Variants in CSNK1G3 observed in about 807,000 individuals in gnomAD.
CSNK1G3 encodes the protein casein kinase 1 gamma 3, also known as casein kinase I isoform gamma-3.
A neutral mutation model predicts 64.3 loss-of-function variants in CSNK1G3; 23 were observed. That is an observed-to-expected ratio of 0.36 (90% CI 0.26 to 0.51). CSNK1G3 has a LOEUF of 0.51. CSNK1G3 is among the 20% of genes least tolerant of loss of function. CSNK1G3 has a pLI of 0.96. For synonymous variants in CSNK1G3, 158 were observed against 162.2 expected (o/e 0.97, Z 0.20); for missense variants, 357 against 510.5 (o/e 0.70, Z 2.90).
At chr5:123,552,591 A>C (rs1783903533) in intron 2 of CSNK1G3, among the ~76,000 whole-genome samples, 1 of 152,210 alleles carries the variant, frequency 6.6e-6, no homozygotes, top group Non-Finnish European at 1.5e-5. Context: ...CAAAGTGGTT[A>C]GTTTATCACA....
intron 6 of CSNK1G3, among the ~76,000 whole-genome samples, chr5:123,585,212 A>G (rs571163232): frequency 1.6e-4 from 24 of 152,284 alleles, no homozygotes; most frequent in Admixed American, 1.0e-3. Context: ...ACTCGAGGGG[A>G]AAGGATAGTT....
At chr5:123,573,662 G>A in intron 5 of CSNK1G3, 121 bp downstream of exon 5, 1 of 736,356 alleles carries the variant, frequency 1.4e-6, no homozygotes, top group Non-Finnish European at 2.1e-6. Flanking sequence ...TAATACAAAT[G>A]TTTCTACTTT....
intron 10 of CSNK1G3, among the ~76,000 whole-genome samples, chr5:123,597,267 C>T (rs943069284): frequency 3.3e-5 from 5 of 152,082 alleles, no homozygotes; most frequent in Non-Finnish European, 7.4e-5. Flanking sequence ...ATTGGCTTTA[C>T]AGGAGATGCA....
chr5:123,594,461 T>C (rs1793032075), intron 10 of CSNK1G3, among the ~76,000 whole-genome samples: 1 of 152,230 alleles, frequency 6.6e-6, no homozygotes, highest in South Asian at 2.1e-4. Flanking sequence ...TTTTGTCATA[T>C]TCTCATAGTA....
At chr5:123,608,130 G>C (rs1454390576) in intron 12 of CSNK1G3, among the ~76,000 whole-genome samples, 3 of 151,946 alleles carry the variant, frequency 2.0e-5, no homozygotes, top group Non-Finnish European at 4.4e-5. Context: ...TCTCTTCTCT[G>C]TGCCACCATT....
At chr5:123,574,680 A>G (rs928878560) in intron 5 of CSNK1G3, among the ~76,000 whole-genome samples, 2 of 151,962 alleles carry the variant, frequency 1.3e-5, no homozygotes, top group African/African-American at 2.4e-5. Flanking sequence ...AAAAAAAAAA[A>G]TAAGCCAGGT....
chr5:123,589,682 T>C (rs1791979617), intron 8 of CSNK1G3, among the ~76,000 whole-genome samples: 1 of 152,152 alleles, frequency 6.6e-6, no homozygotes, highest in Non-Finnish European at 1.5e-5. Flanking sequence ...ATTTTGCCCA[T>C]TGTTTTATAT....
At chr5:123,516,874 T>A (rs1379592422) in intron 1 of CSNK1G3, among the ~76,000 whole-genome samples, 1 of 152,234 alleles carries the variant, frequency 6.6e-6, no homozygotes, top group African/African-American at 2.4e-5. Context: ...TCAAATTTAT[T>A]ACATTTATTT....
exon 8 of CSNK1G3, chr5:123,588,431 A>G: frequency 6.2e-7 from 1 of 1,609,512 alleles, no homozygotes; most frequent in Non-Finnish European, 8.5e-7. Flanking sequence ...TTTTAGGCTG[A>G]CACATTAAAG....
intron 1 of CSNK1G3, among the ~76,000 whole-genome samples, chr5:123,513,906 A>G (rs1776681087): frequency 6.6e-6 from 1 of 152,110 alleles, no homozygotes; most frequent in African/African-American, 2.4e-5. Context: ...TTTGAGCTGT[A>G]CTTAGTGTAT....
chr5:123,575,651 C>A, intron 5 of CSNK1G3, 78 bp from the exon 6 acceptor site: 1 of 777,976 alleles, frequency 1.3e-6, no homozygotes, highest in Non-Finnish European at 2.1e-6. Context: ...TGTTTTCATT[C>A]TGTCTTGCCT....
At chr5:123,512,702 C>T (rs1452366837) in intron 1 of CSNK1G3, 132 bp downstream of exon 1, 2 of 148,134 alleles carry the variant, frequency 1.4e-5, no homozygotes, top group Non-Finnish European at 3.0e-5. Context: ...GCGGGGGCGG[C>T]GCCGCAGGCG....
chr5:123,554,198 G>C (rs2150372909), intron 3 of CSNK1G3, among the ~76,000 whole-genome samples: 1 of 152,280 alleles, frequency 6.6e-6, no homozygotes, highest in South Asian at 2.1e-4. Flanking sequence ...TAGGGTTGCA[G>C]TGCCATGAAG....
At chr5:123,520,812 T>G (rs1289207751) in intron 1 of CSNK1G3, among the ~76,000 whole-genome samples, 1 of 152,118 alleles carries the variant, frequency 6.6e-6, no homozygotes, top group African/African-American at 2.4e-5. Context: ...TGTATTAGAC[T>G]GTGATTTATT....
At chr5:123,598,485 A>T (rs1225165379) in intron 10 of CSNK1G3, among the ~76,000 whole-genome samples, 1 of 152,190 alleles carries the variant, frequency 6.6e-6, no homozygotes, top group Non-Finnish European at 1.5e-5. Flanking sequence ...GGATGAGTCA[A>T]GACTTTCTGG....
At chr5:123,582,302 TG>T (rs1468572192) in intron 6 of CSNK1G3, among the ~76,000 whole-genome samples, 3 of 152,086 alleles carry the variant, frequency 2.0e-5, no homozygotes, top group Non-Finnish European at 4.4e-5. Flanking sequence ...CTTTCCAAAA[TG>T]AAAAAAATGC....
intron 10 of CSNK1G3, among the ~76,000 whole-genome samples, chr5:123,591,867 A>G (rs1010133717): frequency 9.2e-5 from 14 of 152,122 alleles, no homozygotes; most frequent in African/African-American, 3.1e-4. Context: ...AGTTCACTCA[A>G]TTCTTTAGAA....
At chr5:123,553,038 G>A in intron 2 of CSNK1G3, 69 bp from the exon 3 acceptor site, 1 of 845,312 alleles carries the variant, frequency 1.2e-6, no homozygotes, top group South Asian at 2.1e-5. Context: ...TTTTTTCAGA[G>A]TACAGTTTTA....
rs536280893 is a variant in CSNK1G3, at chr5:123,530,529, A to G, written c.-247-14888A>G. Among the ~76,000 whole-genome samples, 4 of 152,274 alleles carry G rather than the reference A, an allele frequency of 2.6e-5. No homozygotes were observed. The South Asian group carries it at 6.2e-4, about 24-fold the overall frequency. ...GTTAAACATGATTTATCCTTATTACATATGTACTTTCCATTTTCTTTCCTG... is the reference window on the plus strand; with the variant it reads ...GTTAAACATGATTTATCCTTATTACGTATGTACTTTCCATTTTCTTTCCTG... On this transcript the variant is annotated intron_variant, in intron 1 of 12. Coordinates refer to ENST00000345990, the Ensembl canonical transcript of CSNK1G3.
Sources: gnomAD v4.1 joint callset for allele counts (sites outside exome capture counted in the v4.1 genomes callset) on GRCh38, gnomAD v4.1.1 for gene constraint, MANE v1.5 for transcripts, NCBI Gene and HGNC (gene_info 2026-07-23, HGNC 2026-07-21) for gene names.